The following ITPRID1 variants were observed in gnomAD, a reference collection of about 807,000 sequenced individuals.
ITPRID1 encodes the protein protein ITPRID1.
ITPRID1 carries 96 observed loss-of-function variants against 95.4 expected under a neutral mutation model. The ratio of observed to expected loss-of-function variants is 1.01; its 90% confidence interval spans 0.85 to 1.19. The LOEUF (loss-of-function observed/expected upper bound fraction) is 1.19. Ranked by LOEUF, ITPRID1 falls within the 50% of genes most tolerant of loss-of-function variation. The pLI is 0.00. For synonymous variants in ITPRID1, 510 were observed against 453.6 expected, an observed-to-expected ratio of 1.12 and a Z score of -1.58; for missense variants, 1,339 against 1,252.9, an observed-to-expected ratio of 1.07 and a Z score of -1.04.
At chr7:31,623,454 G>A (rs11980067) in intron 10 of ITPRID1, among the ~76,000 whole-genome samples, 79,930 of 149,966 alleles carry the variant, frequency 0.53, 21,719 homozygotes, top group East Asian at 0.83. Flanking sequence ...TTCAATATAC[G>A]CAAATCAATA....
Position 31,598,398 on chromosome 7 carries a change from CTT to C in ITPRID1, c.1228+15229_1228+15230del, listed in dbSNP as rs869161999. ...AAATAGCGAATTTCTTTTTTTTTTTCTTTTTTTTTTTTTTTTTTTTTTTGAGA... is the reference window on the plus strand; with the variant it reads ...AAATAGCGAATTTCTTTTTTTTTTTCTTTTTTTTTTTTTTTTTTTTTGAGA... On this transcript the variant is annotated intron_variant, in intron 10 of 14. Transcript: ENST00000615280. Among the ~76,000 whole-genome samples, 100 of 106,824 alleles carry C rather than the reference CTT, an allele frequency of 9.4e-4. 5 individuals are homozygous for C. The highest frequency in any genetic ancestry group is 2.1e-3 in the Admixed American group (20 of 9,636). The allele number at this position is 106,824 out of a possible 152,430, so 70.1% of individuals were successfully genotyped here.
At chr7:31,563,296 A>C (rs1325423739) in intron 5 of ITPRID1, among the ~76,000 whole-genome samples, 4 of 152,264 alleles carry the variant, frequency 2.6e-5, no homozygotes, top group Non-Finnish European at 5.9e-5. Flanking sequence ...GAAGGTGATC[A>C]GATGAAAGAA....
intron 1 of ITPRID1, among the ~76,000 whole-genome samples, chr7:31,536,086 C>T (rs1282992750): frequency 6.6e-6 from 1 of 152,092 alleles, no homozygotes; most frequent in South Asian, 2.1e-4. Context: ...TCTCTATTCT[C>T]CTTCTGGGGC....
chr7:31,556,993 T>C (rs1333033744), intron 5 of ITPRID1, among the ~76,000 whole-genome samples: 2 of 151,954 alleles, frequency 1.3e-5, no homozygotes, highest in Non-Finnish European at 2.9e-5. Context: ...TCCTCAGTGT[T>C]CGTTGGCTTG....
At chr7:31,535,279 T>G (rs1222051094) in intron 1 of ITPRID1, among the ~76,000 whole-genome samples, 3 of 152,108 alleles carry the variant, frequency 2.0e-5, no homozygotes, top group Admixed American at 6.6e-5. Flanking sequence ...CTTCGAAATA[T>G]CACTGTCTTA....
intron 10 of ITPRID1, among the ~76,000 whole-genome samples, chr7:31,626,602 T>G (rs1039151989): frequency 6.6e-6 from 1 of 152,212 alleles, no homozygotes; most frequent in Non-Finnish European, 1.5e-5. Flanking sequence ...CTGAATAGTT[T>G]TTAGCATTTG....
chr7:31,617,583 C>T (rs897657904), intron 10 of ITPRID1, among the ~76,000 whole-genome samples: 1 of 152,168 alleles, frequency 6.6e-6, no homozygotes, highest in South Asian at 2.1e-4. Context: ...TGATTAGTCT[C>T]TTCCATTAAC....
Position 31,642,769 on chromosome 7 carries a change from G to C in ITPRID1, c.1399G>C (p.Asp467His). The change falls in exon 12 of 15, where the codon GAC becomes CAC. Residue 467 changes from aspartate (D) to histidine (H), a missense_variant. By Grantham distance (81) the Asp-to-His change is moderately conservative. Coordinates refer to ENST00000615280, the MANE Select transcript of ITPRID1 (RefSeq NM_001257967.3). ...GAGCCACAGCTTAGTATCATCCCAGGACTGTCAGCTAGAGTCGGATGGGCC... is the reference window on the plus strand; with the variant it reads ...GAGCCACAGCTTAGTATCATCCCAGCACTGTCAGCTAGAGTCGGATGGGCC... ...DQSHSLVSSQDCQLESDGPDS... is the reference protein window; with the variant it reads ...DQSHSLVSSQHCQLESDGPDS... 6.2e-7 allele frequency: 1 copy of C among 1,613,990 alleles called. No homozygotes were observed. Among genetic ancestry groups the C allele is most frequent in the Non-Finnish European group, 8.5e-7 (1 of 1,179,886 alleles).
chr7:31,616,038 C>T (rs1583581139), intron 10 of ITPRID1, among the ~76,000 whole-genome samples: 1 of 152,066 alleles, frequency 6.6e-6, no homozygotes, highest in Non-Finnish European at 1.5e-5. Context: ...CCACCGCACC[C>T]AGCCGAGTTT....
rs1562543209 is a variant in ITPRID1 at position 31,519,642 on chromosome 7, ATAT to A, written c.-98+5523_-98+5525del. Among the ~76,000 whole-genome samples the A allele has an allele frequency of 8.0e-4, 107 of 133,140 alleles. 1 individual carries two copies. The highest frequency in any genetic ancestry group is 2.8e-3 in the African/African-American group (102 of 35,946). The allele number at this position is 133,140 out of a possible 152,430, so 87.3% of individuals were successfully genotyped here. On this transcript the variant is annotated intron_variant, in intron 1 of 14. Coordinates refer to ENST00000615280, the MANE Select transcript of ITPRID1 (RefSeq NM_001257967.3). The stretch of plus-strand genomic sequence containing the variant: ...TCTCTATATATATATATATATATAT[ATAT>A]AAATCTTATGTTATCCTGCTGGTAT...
intron 10 of ITPRID1, among the ~76,000 whole-genome samples, chr7:31,592,085 A>C (rs1287132045): frequency 2.0e-5 from 3 of 152,204 alleles, no homozygotes; most frequent in Non-Finnish European, 4.4e-5. Context: ...GAAAATGTGA[A>C]CCAACAATTT....
At chr7:31,549,612 T>G (rs1039905874) in intron 2 of ITPRID1, 113 bp downstream of exon 2, 3 of 707,218 alleles carry the variant, frequency 4.2e-6, no homozygotes, top group Non-Finnish European at 6.4e-6. Flanking sequence ...TTTGAAAATT[T>G]CCCCAAGATG....
intron 10 of ITPRID1, among the ~76,000 whole-genome samples, chr7:31,623,494 A>T (rs1484659465): frequency 6.6e-6 from 1 of 151,928 alleles, no homozygotes; most frequent in South Asian, 2.1e-4. Context: ...ACAGAACCAA[A>T]GACAAAAATG....
intron 8 of ITPRID1, 131 bp downstream of exon 8, chr7:31,574,873 A>G (rs1476472427): frequency 7.5e-6 from 6 of 794,818 alleles, no homozygotes; most frequent in Non-Finnish European, 1.2e-5. Context: ...CACACAAAAG[A>G]TGGATTTCTT....
intron 10 of ITPRID1, among the ~76,000 whole-genome samples, chr7:31,636,127 C>G (rs906731808): frequency 6.6e-6 from 1 of 152,030 alleles, no homozygotes; most frequent in Non-Finnish European, 1.5e-5. Flanking sequence ...CTCACTGTCA[C>G]AAGAATAGCA....
chr7:31,577,748 T>C lies in ITPRID1; in HGVS notation c.599-115T>C, dbSNP rs996139085. The C allele has an allele frequency of 2.2e-5, 18 of 814,296 alleles. No individual in the cohort carries two copies. The East Asian group carries it at 4.3e-4, about 19-fold the overall frequency. 50.4% of individuals were successfully genotyped at this position (814,296 alleles called of 1,614,324 possible). ...AAAAACTTGAGTTTCAAGAGCCTAATGTCCTTCCTATCTTGAAAATTTCAT... is the reference window on the plus strand; with the variant it reads ...AAAAACTTGAGTTTCAAGAGCCTAACGTCCTTCCTATCTTGAAAATTTCAT... On this transcript the variant is annotated intron_variant, in intron 8 of 14. Transcript: ENST00000615280.
chr7:31,653,456 G>C lies in ITPRID1; in HGVS notation c.*627G>C, dbSNP rs1045883372. 6.5e-6 allele frequency: 1 copy of C among 152,886 alleles called. No individual in the cohort carries two copies. The highest frequency in any genetic ancestry group is 1.5e-5 in the Non-Finnish European group (1 of 68,616). The allele number at this position is 152,886 out of a possible 1,614,324, so 9.5% of individuals were successfully genotyped here. On this transcript the variant is annotated 3_prime_UTR_variant, in exon 15 of 15. Transcript: ENST00000615280. The stretch of plus-strand genomic sequence containing the variant: ...CAATCAGATATGCATTTGTCTCGGG[G>C]GAGCAGAGGGATGGCTTTGAGTTCT...
intron 10 of ITPRID1, among the ~76,000 whole-genome samples, chr7:31,633,979 G>T (rs759035504): frequency 2.0e-5 from 3 of 152,102 alleles, no homozygotes; most frequent in African/African-American, 7.2e-5. Context: ...GAATTCAGAA[G>T]CTTTTATTAC....
rs1228454641 is a variant in ITPRID1, at chr7:31,529,748, A to G, written c.-98+15628A>G. ...CATTCAAGGAGACAAAAAGGCACAG[A>G]AGATCTCCACACATACTTTGATGCC... is the stretch of plus-strand genomic sequence containing the variant. On this transcript the variant is annotated intron_variant, in intron 1 of 14. Coordinates refer to ENST00000615280, the MANE Select transcript of ITPRID1 (RefSeq NM_001257967.3). 9.1e-6 allele frequency: 14 copies of G among 1,534,088 alleles called. No homozygotes were observed. The Admixed American group carries it at 2.6e-4, about 28-fold the overall frequency.
Sources: gnomAD v4.1 joint callset for allele counts (sites outside exome capture counted in the v4.1 genomes callset) on GRCh38, gnomAD v4.1.1 for gene constraint, MANE v1.5 for transcripts, NCBI Gene and HGNC (gene_info 2026-07-23, HGNC 2026-07-21) for gene names.